CTDNEP1: variants seen among roughly 807,000 people sequenced by gnomAD.
CTDNEP1 encodes C-terminal domain nuclear envelope phosphatase 1.
CTDNEP1 carries 3 observed loss-of-function variants against 30.1 expected under a neutral mutation model. The ratio of observed to expected loss-of-function variants is 0.10; its 90% CI spans 0.05 to 0.26. CTDNEP1 has a LOEUF of 0.26. Among genes scored for constraint, CTDNEP1 ranks in the 10% least tolerant of loss-of-function variants. The pLI, the probability that CTDNEP1 is intolerant of heterozygous loss-of-function variation, is 1.00. For missense variants in CTDNEP1, 158 were observed against 310.4 expected, an observed-to-expected ratio of 0.51 and a Z score of 3.69; for synonymous variants, 123 against 118.8, an observed-to-expected ratio of 1.04 and a Z score of -0.23.
In CTDNEP1 at chr17:7,246,487, G is replaced by A. The variant is rs772817169; in HGVS notation, c.361-117C>T. ...TTCAGGCCTTCCATCAACATCAAAT[G>A]TCTCTGAGGACACGAAATTCTGAAC... is the stretch of plus-strand genomic sequence containing the variant. On this transcript the variant is annotated intron_variant, in intron 4 of 7. Transcript: ENST00000574322. This position sits in a 1 kb window ranked among gnomAD's most constrained non-coding sequence, Gnocchi z 4.9. 1 of 779,392 alleles carries A rather than the reference G, an allele frequency of 1.3e-6. No individual in the cohort carries two copies. The highest frequency in any genetic ancestry group is 2.2e-6 in the Non-Finnish European group (1 of 464,980). 48.3% of individuals were successfully genotyped at this position (779,392 alleles called of 1,614,324 possible).
chr17:7,243,943 T>A lies in CTDNEP1; in HGVS notation c.*242A>T, dbSNP rs2071807149. 7.4e-7 allele frequency: 1 copy of A among 1,359,452 alleles called. No individual in the cohort carries two copies. Among genetic ancestry groups the A allele is most frequent in the African/African-American group, 1.5e-5 (1 of 67,984 alleles). The allele number at this position is 1,359,452 out of a possible 1,614,324, so 84.2% of individuals were successfully genotyped here. On this transcript the variant is annotated 3_prime_UTR_variant, in exon 8 of 8. Transcript: ENST00000574322. Reference sequence around the variant, plus strand: ...TTCGGCTCTCCTAGGCTTCCGCCTGTGTCCCAGTCTGGGGTTTCCATGGAG... The same window carrying A: ...TTCGGCTCTCCTAGGCTTCCGCCTGAGTCCCAGTCTGGGGTTTCCATGGAG...
intron 1 of CTDNEP1, among the ~76,000 whole-genome samples, chr17:7,248,283 A>AG (rs2071870763): frequency 6.8e-6 from 1 of 147,264 alleles, no homozygotes; most frequent in Non-Finnish European, 1.5e-5. Flanking sequence ...AAAAAAAAAA[A>AG]AAAAGTAGAA....
In CTDNEP1 at chr17:7,246,518, G is replaced by A. The variant is rs1048753264; in HGVS notation, c.361-148C>T. ...GAGGACACGAAATTCTGAACCCCCA[G>A]CCCAAACCTCCAAACTCAGTGTTAG... On this transcript the variant is annotated intron_variant, in intron 4 of 7. Coordinates refer to ENST00000574322, the MANE Select transcript of CTDNEP1 (RefSeq NM_001143775.2). The surrounding 1 kb of genome is among the most constrained non-coding windows in gnomAD (Gnocchi z 4.9). 8.9e-6 allele frequency: 6 copies of A among 676,684 alleles called. No individual in the cohort carries two copies. Among genetic ancestry groups the A allele is most frequent in the African/African-American group, 5.4e-5 (3 of 55,840 alleles). The allele number at this position is 676,684 out of a possible 1,614,324, so 41.9% of individuals were successfully genotyped here.
At position 7,247,322 on chromosome 17, in the gene CTDNEP1, G is replaced by A; in HGVS notation, c.124C>T (p.Arg42Ter). The part of the protein sequence containing the change: ...IRTVIQYQTV[R>*]YDILPLSPVS... ...GGAGATAAGGGGAGGATATCATATCGAACAGTTTGGTACTGAATTACCTAC... is the reference window on the plus strand; with the variant it reads ...GGAGATAAGGGGAGGATATCATATCAAACAGTTTGGTACTGAATTACCTAC... Residue 42 changes from arginine (R) to a stop codon, truncating the protein, a stop_gained, in exon 2 of 8, where the codon CGA (arginine) becomes TGA (stop). Transcript: ENST00000574322. LOFTEE classifies it high-confidence loss of function. 6.2e-7 allele frequency: 1 copy of A among 1,613,808 alleles called. No homozygotes were observed. Among genetic ancestry groups the A allele is most frequent in the Admixed American group, 1.7e-5 (1 of 59,998 alleles).
At position 7,246,748 on chromosome 17, in the gene CTDNEP1, C is replaced by A; in HGVS notation, c.360+43G>T. ...CTCCCAATTCCCAGAGCCCTAAAAC[C>A]ATTCCTTCATTACAGAGCTCCCTTT... On this transcript the variant is annotated intron_variant, in intron 4 of 7. Coordinates refer to ENST00000574322, the MANE Select transcript of CTDNEP1 (RefSeq NM_001143775.2). The surrounding 1 kb of genome is among the most constrained non-coding windows in gnomAD (Gnocchi z 4.9). The A allele has an allele frequency of 6.5e-7, 1 of 1,536,542 alleles. No homozygotes were observed. The highest frequency in any genetic ancestry group is 1.7e-5 in the Admixed American group (1 of 59,252).
At position 7,246,224 on chromosome 17, in the gene CTDNEP1, C is replaced by T; in HGVS notation, c.477+30G>A. On this transcript the variant is annotated intron_variant, in intron 5 of 7. Transcript: ENST00000574322. The surrounding 1 kb of genome is among the most constrained non-coding windows in gnomAD (Gnocchi z 4.9). ...CCTCCCTGGTGGCCTCCCTCCCAAG[C>T]CACACTCTTAGACTGGGATTCTAGC... 1 of 1,594,784 alleles carries T rather than the reference C, an allele frequency of 6.3e-7. No individual in the cohort carries two copies. The highest frequency in any genetic ancestry group is 8.6e-7 in the Non-Finnish European group (1 of 1,162,474).
Position 7,251,188 on chromosome 17 carries a change from G to C in CTDNEP1, c.102+7C>G. 6.3e-7 allele frequency: 1 copy of C among 1,590,852 alleles called. No homozygotes were observed. The highest frequency in any genetic ancestry group is 1.1e-5 in the South Asian group (1 of 87,230). The stretch of plus-strand genomic sequence containing the variant: ...CCCCAACACCGCCAGCGCCCACCCT[G>C]GCTCACCGTGCGGATCTGCCTCCGC... On this transcript the variant is annotated splice_region_variant and intron_variant, in intron 1 of 7. Coordinates refer to ENST00000574322, the MANE Select transcript of CTDNEP1 (RefSeq NM_001143775.2).
chr17:7,247,456 G>GCTTATTT (rs763715748), intron 1 of CTDNEP1, 113 bp from the exon 2 acceptor site: 3 of 792,174 alleles, frequency 3.8e-6, no homozygotes, highest in Non-Finnish European at 4.1e-6. Context: ...TGTAATTTAG[G>GCTTATTT]CTTATTTCTT....
Position 7,244,127 on chromosome 17 carries a change from C to T in CTDNEP1, c.*58G>A, listed in dbSNP as rs1025454289. 1 of 1,609,290 alleles carries T rather than the reference C, an allele frequency of 6.2e-7. No individual in the cohort carries two copies. The highest frequency in any genetic ancestry group is 1.3e-5 in the African/African-American group (1 of 75,030). Reference sequence around the variant, plus strand: ...ATTGGACAGGGCATCAGACGGCATCCCAAGGGCTCGCCCTCCCTTTCCCCC... The same window carrying T: ...ATTGGACAGGGCATCAGACGGCATCTCAAGGGCTCGCCCTCCCTTTCCCCC... On this transcript the variant is annotated 3_prime_UTR_variant, in exon 8 of 8. Transcript: ENST00000574322.
At chr17:7,249,593 C>T (rs1226711660) in intron 1 of CTDNEP1, among the ~76,000 whole-genome samples, 4 of 152,116 alleles carry the variant, frequency 2.6e-5, no homozygotes, top group Admixed American at 6.6e-5. Context: ...GGAGCGAGAA[C>T]GTCAGAGAAG....
At position 7,246,146 on chromosome 17, in the gene CTDNEP1, C is replaced by CA. The variant is rs2071833778; in HGVS notation, c.478-10dup. The CA allele has an allele frequency of 6.2e-7, 1 of 1,609,402 alleles. No individual in the cohort carries two copies. The highest frequency in any genetic ancestry group is 1.3e-5 in the African/African-American group (1 of 74,782). On this transcript the variant is annotated splice_polypyrimidine_tract_variant and intron_variant, in intron 5 of 7. Coordinates refer to ENST00000574322, the MANE Select transcript of CTDNEP1 (RefSeq NM_001143775.2). This position sits in a 1 kb window ranked among gnomAD's most constrained non-coding sequence, Gnocchi z 4.9. Reference sequence around the variant, plus strand: ...AACTCCAAAGTGCAGTGCTGGAAGGCAGGGGATCATGTAGCAGGCCTCTCT... The same window carrying CA: ...AACTCCAAAGTGCAGTGCTGGAAGGCAAGGGGATCATGTAGCAGGCCTCTCT...
At chr17:7,247,439 CTATG>C in intron 1 of CTDNEP1, 96 bp from the exon 2 acceptor site, 1 of 853,592 alleles carries the variant, frequency 1.2e-6, no homozygotes, top group Non-Finnish European at 2.0e-6. Context: ...ACCACAGGTA[CTATG>C]TATGTAATTT....
chr17:7,244,277 A>G (rs1460740080), intron 7 of CTDNEP1, 32 bp from the exon 8 acceptor site: 1 of 1,609,844 alleles, frequency 6.2e-7, no homozygotes, highest in Non-Finnish European at 8.5e-7. Flanking sequence ...TTGGTAGAGT[A>G]CCTTATAGTT....
intron 1 of CTDNEP1, among the ~76,000 whole-genome samples, chr17:7,250,796 T>C (rs2071907709): frequency 6.6e-6 from 1 of 152,104 alleles, no homozygotes; most frequent in South Asian, 2.1e-4. Context: ...TTCCTTGTTA[T>C]AGGACCAAAC....
At position 7,246,828 on chromosome 17, in the gene CTDNEP1, A is replaced by G; in HGVS notation, c.323T>C (p.Val108Ala). 1 of 1,614,084 alleles carries G rather than the reference A, an allele frequency of 6.2e-7. No individual in the cohort carries two copies. Among genetic ancestry groups the G allele is most frequent in the Non-Finnish European group, 8.5e-7 (1 of 1,179,982 alleles). The change falls in exon 4 of 8, where the codon GTA becomes GCA. Residue 108 changes from valine (V) to alanine (A), a missense_variant. Coordinates refer to ENST00000574322, the MANE Select transcript of CTDNEP1 (RefSeq NM_001143775.2). This position sits in a 1 kb window ranked among gnomAD's most constrained non-coding sequence, Gnocchi z 4.9. ...GAAATCCACATGGGGCCTCTTATGT[A>G]CAAAAAACCGGACAGGATGTTTGTC... ...VIDKHPVRFF[V>A]HKRPHVDFFL...
chr17:7,244,192 AGCCGAT>A lies in CTDNEP1; in HGVS notation c.722_727del (p.His241_Arg242del). 1 of 1,614,054 alleles carries A rather than the reference AGCCGAT, an allele frequency of 6.2e-7. No homozygotes were observed. Among genetic ancestry groups the A allele is most frequent in the Non-Finnish European group, 8.5e-7 (1 of 1,179,992 alleles). On this transcript the variant is annotated inframe_deletion, in exon 8 of 8. Coordinates refer to ENST00000574322, the MANE Select transcript of CTDNEP1 (RefSeq NM_001143775.2). ...GTGGAGGGGGAGCAGCTGTCACCAG[AGCCGAT>A]GTTGGTGAAGGTTTCGGCTCAGCAC...
At chr17:7,245,302 A>G (rs1178388856) in intron 6 of CTDNEP1, among the ~76,000 whole-genome samples, 1 of 151,312 alleles carries the variant, frequency 6.6e-6, no homozygotes, top group Non-Finnish European at 1.5e-5. Flanking sequence ...AAAAAAAAAT[A>G]AAAAATAAAA....
intron 1 of CTDNEP1, among the ~76,000 whole-genome samples, chr17:7,250,496 G>C (rs1210534672): frequency 6.6e-6 from 1 of 152,098 alleles, no homozygotes; most frequent in African/African-American, 2.4e-5. Flanking sequence ...ACTGCCCAGC[G>C]CTGTCCTCTG....
chr17:7,250,557 C>G (rs2071902522), intron 1 of CTDNEP1, among the ~76,000 whole-genome samples: 1 of 152,194 alleles, frequency 6.6e-6, no homozygotes. Context: ...CTTGAACTCC[C>G]TCCCACAATT....
Sources: gnomAD v4.1 joint callset for allele counts (sites outside exome capture counted in the v4.1 genomes callset) on GRCh38, gnomAD v4.1.1 for gene constraint, Gnocchi (gnomAD v3.1) non-coding constraint, MANE v1.5 for transcripts, NCBI Gene and HGNC (gene_info 2026-07-23, HGNC 2026-07-21) for gene names.